Variants in ZNF99 observed in about 807,000 individuals in gnomAD.
ZNF99 encodes zinc finger protein 99.
ZNF99 carries 8 observed loss-of-function variants against 12.8 expected under a neutral mutation model. The observed-to-expected ratio is 0.62, with a 90% CI of 0.37 to 1.13. ZNF99 has a LOEUF of 1.13. ZNF99 is among the 50% of genes most tolerant of loss of function. The probability of loss-of-function intolerance (pLI) is 0.02; values close to 1 mark genes in which losing one functional copy is unlikely to be tolerated. For missense variants in ZNF99, 1,007 were observed against 1,006.2 expected (o/e 1.00, Z -0.01); for synonymous variants, 318 against 319.0 (o/e 1.00, Z 0.03).
chr19:22,772,851 A>T (rs1247300897), intron 1 of ZNF99, among the ~76,000 whole-genome samples: 1 of 152,172 alleles, frequency 6.6e-6, no homozygotes, highest in African/African-American at 2.4e-5. Context: ...GAATGGATGG[A>T]GTAGCAGCAG....
At chr19:22,780,672 C>G (rs994999721) in intron 1 of ZNF99, among the ~76,000 whole-genome samples, 1 of 118,318 alleles carries the variant, frequency 8.5e-6, no homozygotes, top group Non-Finnish European at 1.7e-5. Context: ...GCCTGGGCAA[C>G]AAGAATGAAA....
chr19:22,754,335 C>CCAAT lies in ZNF99; in HGVS notation c.*2975_*2978dup. ...TGAACTGAGATTGCACCATTGCACT[C>CCAAT]CAATTTGGGCGACAGAGTGAGACTC... On this transcript the variant is annotated 3_prime_UTR_variant, in exon 4 of 4. Transcript: ENST00000596209. The CCAAT allele has an allele frequency of 2.3e-6, 1 of 429,544 alleles. No individual in the cohort carries two copies. The highest frequency in any genetic ancestry group is 4.6e-6 in the Non-Finnish European group (1 of 217,408). The allele number at this position is 429,544 out of a possible 1,614,324, so 26.6% of individuals were successfully genotyped here. A position where few individuals can be genotyped will look rare whatever the true frequency, so the allele number is the denominator to read the frequency against.
At chr19:22,760,636 C>T (rs1368932859) in intron 3 of ZNF99, among the ~76,000 whole-genome samples, 3 of 151,836 alleles carry the variant, frequency 2.0e-5, no homozygotes, top group Admixed American at 6.6e-5. Flanking sequence ...CCCAGCTACT[C>T]AGGAGGCTGA....
intron 1 of ZNF99, among the ~76,000 whole-genome samples, chr19:22,772,570 G>A (rs897544731): frequency 2.0e-5 from 3 of 151,804 alleles, no homozygotes; most frequent in African/African-American, 4.8e-5. Context: ...CCAGCTATTC[G>A]GGAGGCTGAG....
rs540440088 is a variant in ZNF99 at position 22,766,625 on chromosome 19, C to G, written c.226+1680G>C. ...GTGCTGGGATTACAGGCATGAGCCACCGTGCCCGGCATAACTTTATTTCTT... is the reference window on the plus strand; with the variant it reads ...GTGCTGGGATTACAGGCATGAGCCAGCGTGCCCGGCATAACTTTATTTCTT... On this transcript the variant is annotated intron_variant, in intron 3 of 3. Transcript: ENST00000596209. 2.0e-5 allele frequency among the ~76,000 whole-genome samples: 3 copies of G among 151,794 alleles called. No homozygotes were observed. The East Asian group carries it at 5.8e-4, about 30-fold the overall frequency.
rs1160048025 is a variant in ZNF99 at position 22,759,638 on chromosome 19, T to C, written c.271A>G (p.Ile91Val). 1.3e-6 allele frequency: 2 copies of C among 1,580,736 alleles called. No homozygotes were observed. Among genetic ancestry groups the C allele is most frequent in the African/African-American group, 2.7e-5 (2 of 73,118 alleles). Reference protein sequence around the residue: ...FTQDFWPDQSIKDSFQEIILR... With the variant: ...FTQDFWPDQSVKDSFQEIILR... ...ATTATTTCTTGGAAAGAATCTTTTA[T>C]GCTCTGATCTGGCCAAAAGTCTTGT... is the stretch of plus-strand genomic sequence containing the variant. Residue 91 changes from isoleucine (I) to valine (V), a missense_variant, in exon 4 of 4, where the codon ATA (isoleucine) becomes GTA (valine). Coordinates refer to ENST00000596209, the MANE Select transcript of ZNF99 (RefSeq NM_001080409.3).
rs1973023565 is a variant in ZNF99, at chr19:22,754,743, G to A, written c.*2571C>T. On this transcript the variant is annotated 3_prime_UTR_variant, in exon 4 of 4. Transcript: ENST00000596209. ...CTTTGCAACATTCTTCACGTTTGTA[G>A]GGTTTCTCTTCAGTATAAATTGTTT... is the stretch of plus-strand genomic sequence containing the variant. The A allele has an allele frequency of 4.9e-5, 13 of 265,510 alleles. No individual in the cohort carries two copies. In the South Asian group the frequency reaches 5.2e-4, roughly 11 times the overall value. 16.4% of individuals were successfully genotyped at this position (265,510 alleles called of 1,614,324 possible).
At chr19:22,778,305 C>T (rs1228252701) in intron 1 of ZNF99, among the ~76,000 whole-genome samples, 2 of 152,048 alleles carry the variant, frequency 1.3e-5, no homozygotes, top group East Asian at 3.9e-4. Flanking sequence ...TTCCTAGACA[C>T]CCAGAGATCC....
chr19:22,779,788 T>G (rs1973368003), intron 1 of ZNF99, among the ~76,000 whole-genome samples: 1 of 152,170 alleles, frequency 6.6e-6, no homozygotes, highest in African/African-American at 2.4e-5. Flanking sequence ...TAATATGGTT[T>G]GCTCTTCCAT....
chr19:22,762,245 C>A (rs181427919), intron 3 of ZNF99, among the ~76,000 whole-genome samples: 1 of 151,896 alleles, frequency 6.6e-6, no homozygotes, highest in Non-Finnish European at 1.5e-5. Flanking sequence ...AGACCATTAG[C>A]AAGATTAACC....
chr19:22,773,338 C>T (rs888829404), intron 1 of ZNF99, among the ~76,000 whole-genome samples: 4 of 152,136 alleles, frequency 2.6e-5, no homozygotes, highest in African/African-American at 7.2e-5. Flanking sequence ...ATAGAACAGA[C>T]ATAAAACTGT....
Position 22,757,369 on chromosome 19 carries a change from A to C in ZNF99, c.2540T>G (p.Val847Gly). 1 of 1,610,102 alleles carries C rather than the reference A, an allele frequency of 6.2e-7. No homozygotes were observed. Among genetic ancestry groups the C allele is most frequent in the Non-Finnish European group, 8.5e-7 (1 of 1,178,792 alleles). The change falls in exon 4 of 4, where the codon GTG (valine) becomes GGG (glycine). Residue 847 changes from valine to glycine, a missense_variant. Physicochemically the swap from Val to Gly is moderately radical, Grantham distance 109 (BLOSUM62 -3). Coordinates refer to ENST00000596209, the MANE Select transcript of ZNF99 (RefSeq NM_001080409.3). ...GTTTAAAAGCTTTGCCACATTCTTC[A>C]CATTTGCAGGGTTTCTCTCCATATG... is the stretch of plus-strand genomic sequence containing the variant. ...VIHMERNPAN[V>G]KNVAKLLNIS...
chr19:22,777,076 C>T (rs55646045), intron 1 of ZNF99, among the ~76,000 whole-genome samples: 13,031 of 152,062 alleles, frequency 0.086, 576 homozygotes, highest in Middle Eastern at 0.11. Flanking sequence ...TGTTTGAGCC[C>T]GGGAATTTGA....
At chr19:22,761,593 G>A (rs946273434) in intron 3 of ZNF99, among the ~76,000 whole-genome samples, 3 of 152,060 alleles carry the variant, frequency 2.0e-5, no homozygotes, top group African/African-American at 7.2e-5. Context: ...AAGACAGAAA[G>A]TCAACAAATA....
rs34161305 is a variant in ZNF99, at chr19:22,755,073, CAAAAAA to C, written c.*2235_*2240del. ...GGGCAACTAGGGCGAAACTCTGTTT[CAAAAAA>C]AAAAAAAAAAAAATTGAAGAATGCT... On this transcript the variant is annotated 3_prime_UTR_variant, in exon 4 of 4. Transcript: ENST00000596209. 3.9e-4 allele frequency: 57 copies of C among 146,936 alleles called. No homozygotes were observed. In the Middle Eastern group the frequency reaches 0.011, roughly 29 times the overall value. 9.1% of individuals were successfully genotyped at this position (146,936 alleles called of 1,614,324 possible).
At chr19:22,764,734 C>T (rs559276579) in intron 3 of ZNF99, among the ~76,000 whole-genome samples, 269 of 152,088 alleles carry the variant, frequency 1.8e-3, no homozygotes, top group African/African-American at 5.9e-3. Context: ...TGAAAAAATG[C>T]TCAATATTGC....
Position 22,756,761 on chromosome 19 carries a change from TA to T in ZNF99, c.*552del, listed in dbSNP as rs771400038. The T allele has an allele frequency of 6.2e-7, 1 of 1,609,782 alleles. No homozygotes were observed. The highest frequency in any genetic ancestry group is 8.5e-7 in the Non-Finnish European group (1 of 1,178,602). ...TGTTTCATAAGGGTTGAGGAATTGTTAAAAGCTTTGCCACATTCTTCACATT... is the reference window on the plus strand; with the variant it reads ...TGTTTCATAAGGGTTGAGGAATTGTTAAAGCTTTGCCACATTCTTCACATT... On this transcript the variant is annotated 3_prime_UTR_variant, in exon 4 of 4. Transcript: ENST00000596209.
At chr19:22,775,242 G>A (rs1160922735) in intron 1 of ZNF99, among the ~76,000 whole-genome samples, 1 of 152,028 alleles carries the variant, frequency 6.6e-6, no homozygotes, top group Non-Finnish European at 1.5e-5. Flanking sequence ...AGAATAGAGA[G>A]CCCAGAAATA....
chr19:22,763,656 G>A (rs185392557), intron 3 of ZNF99, among the ~76,000 whole-genome samples: 152 of 152,084 alleles, frequency 1.0e-3, no homozygotes, highest in Non-Finnish European at 1.6e-3. Flanking sequence ...AACAAAAAAA[G>A]AGCCTGCATA....
Sources: gnomAD v4.1 joint callset for allele counts (sites outside exome capture counted in the v4.1 genomes callset) on GRCh38, gnomAD v4.1.1 for gene constraint, MANE v1.5 for transcripts, NCBI Gene and HGNC (gene_info 2026-07-23, HGNC 2026-07-21) for gene names.